MUSK: variants seen among roughly 807,000 people sequenced by gnomAD.
MUSK encodes the protein muscle associated receptor tyrosine kinase.
A neutral mutation model predicts 88.7 loss-of-function variants in MUSK; 55 were observed. That is an observed-to-expected ratio of 0.62 (90% CI 0.50 to 0.78). MUSK has a LOEUF of 0.78. Among genes scored for constraint, MUSK ranks in the 30% least tolerant of loss-of-function variants. MUSK has a pLI of 0.00. For missense variants in MUSK, 1,015 were observed against 1,074.3 expected (o/e 0.94, Z 0.77); for synonymous variants, 387 against 391.9 (o/e 0.99, Z 0.15).
In MUSK at chr9:110,707,590, A is replaced by G. The variant is rs183088895; in HGVS notation, c.628+10124A>G. On this transcript the variant is annotated intron_variant, in intron 5 of 14. Coordinates refer to ENST00000374448, the MANE Select transcript of MUSK (RefSeq NM_005592.4). ...TCTATTATTATCTTGTTTACCCTTG[A>G]AGCTTTAAGCCATTAAGGAAAATAT... 9.6e-4 allele frequency among the ~76,000 whole-genome samples: 146 copies of G among 152,318 alleles called. 1 individual carries two copies. The highest frequency in any genetic ancestry group is 3.4e-3 in the Middle Eastern group (1 of 294).
intron 5 of MUSK, among the ~76,000 whole-genome samples, chr9:110,712,371 T>A (rs1367689621): frequency 6.6e-6 from 1 of 152,200 alleles, no homozygotes; most frequent in African/African-American, 2.4e-5. Flanking sequence ...CTGATCCTAA[T>A]ATATTGTTAT....
At chr9:110,787,560 G>A in intron 13 of MUSK, 130 bp from the exon 14 acceptor site, 1 of 778,620 alleles carries the variant, frequency 1.3e-6, no homozygotes, top group Non-Finnish European at 1.9e-6. Flanking sequence ...CTGTGGCTCT[G>A]GGAAAGGCTG....
intron 6 of MUSK, among the ~76,000 whole-genome samples, chr9:110,745,422 C>T (rs1403037879): frequency 1.3e-5 from 2 of 152,180 alleles, no homozygotes; most frequent in South Asian, 4.1e-4. Context: ...AAGGATTTTG[C>T]AAACTGTTCT....
At chr9:110,767,536 A>T (rs968469322) in intron 8 of MUSK, among the ~76,000 whole-genome samples, 1 of 152,152 alleles carries the variant, frequency 6.6e-6, no homozygotes, top group Non-Finnish European at 1.5e-5. Flanking sequence ...TTATAATGTA[A>T]AATATTAAAA....
rs903123754 is a variant in MUSK at position 110,762,350 on chromosome 9, C to A, written c.920+142C>A. ...TGTTTTGTTTTTGTTATTTGACATGCCATTTATTGAGTGTTTACTATTTGC... is the reference window on the plus strand; with the variant it reads ...TGTTTTGTTTTTGTTATTTGACATGACATTTATTGAGTGTTTACTATTTGC... On this transcript the variant is annotated intron_variant, in intron 8 of 14. Transcript: ENST00000374448. 6.1e-6 allele frequency: 3 copies of A among 492,136 alleles called. No homozygotes were observed. The highest frequency in any genetic ancestry group is 2.0e-5 in the African/African-American group (1 of 51,194). 30.5% of individuals were successfully genotyped at this position (492,136 alleles called of 1,614,324 possible).
intron 3 of MUSK, among the ~76,000 whole-genome samples, chr9:110,687,630 C>A (rs919233292): frequency 1.3e-5 from 2 of 152,058 alleles, no homozygotes; most frequent in African/African-American, 2.4e-5. Flanking sequence ...CCACTGTGCC[C>A]CCGCTGACTT....
At chr9:110,713,121 C>T (rs2076695040) in intron 5 of MUSK, among the ~76,000 whole-genome samples, 1 of 152,040 alleles carries the variant, frequency 6.6e-6, no homozygotes, top group Non-Finnish European at 1.5e-5. Context: ...GACACTGACT[C>T]ATAACCAGGG....
chr9:110,688,833 AGGT>A (rs2076232912), intron 3 of MUSK, among the ~76,000 whole-genome samples: 1 of 151,480 alleles, frequency 6.6e-6, no homozygotes, highest in African/African-American at 2.4e-5. Context: ...CATGGTGTTT[AGGT>A]ACCACATTTT....
chr9:110,765,403 GCA>G (rs2077465302), intron 8 of MUSK, among the ~76,000 whole-genome samples: 1 of 152,134 alleles, frequency 6.6e-6, no homozygotes. Context: ...GTTTCTTAAA[GCA>G]CAGTGTAGAA....
chr9:110,690,470 GTA>G (rs1324130448), intron 3 of MUSK, among the ~76,000 whole-genome samples: 8 of 81,364 alleles, frequency 9.8e-5, no homozygotes, highest in East Asian at 7.2e-4. Flanking sequence ...TTAAATATAA[GTA>G]TATATATAAA....
chr9:110,761,981 G>C (rs1184547276), intron 7 of MUSK: 1 of 953,560 alleles, frequency 1.0e-6, no homozygotes, highest in Admixed American at 6.2e-5. Context: ...AGTTTGAAAA[G>C]AACCTGCTTC....
intron 1 of MUSK, among the ~76,000 whole-genome samples, chr9:110,678,803 C>T (rs1283995322): frequency 6.6e-6 from 1 of 152,008 alleles, no homozygotes; most frequent in African/African-American, 2.4e-5. Context: ...ATGTGCATAT[C>T]TGTTTAATTA....
intron 14 of MUSK, 187 bp downstream of exon 14, chr9:110,788,025 C>T (rs2077905156): frequency 3.2e-6 from 2 of 634,514 alleles, no homozygotes; most frequent in Non-Finnish European, 2.8e-6. Context: ...ATGGATTATC[C>T]CTCTTTAAAT....
intron 1 of MUSK, among the ~76,000 whole-genome samples, chr9:110,671,151 T>G (rs1165435871): frequency 6.6e-6 from 1 of 152,094 alleles, no homozygotes; most frequent in Admixed American, 6.5e-5. Flanking sequence ...TTTATATTTT[T>G]AGTAGAGACA....
Position 110,801,892 on chromosome 9 carries a change from T to C in MUSK, c.*904T>C, listed in dbSNP as rs1223903937. The stretch of plus-strand genomic sequence containing the variant: ...GTAATAAACACTCTGGCAGAAATAA[T>C]AACATTTTAAATACCATTGTAGATT... On this transcript the variant is annotated 3_prime_UTR_variant, in exon 15 of 15. Transcript: ENST00000374448. Among the ~76,000 whole-genome samples the C allele has an allele frequency of 1.3e-5, 2 of 152,214 alleles. No individual in the cohort carries two copies. Among genetic ancestry groups the C allele is most frequent in the East Asian group, 1.9e-4 (1 of 5,198 alleles).
rs1048310820 is a variant in MUSK, at chr9:110,695,511, A to T, written c.467A>T (p.Lys156Met). 5.0e-5 allele frequency: 79 copies of T among 1,565,224 alleles called. No individual in the cohort carries two copies. Among genetic ancestry groups the T allele is most frequent in the Non-Finnish European group, 6.6e-5 (76 of 1,152,592 alleles). ...GNPKPSVSWI[K>M]GDSPLRENSR... ...CCCAAACCATCAGTGTCTTGGATAA[A>T]GGGAGACAGCCCTCTCAGGGTAAGT... Residue 156 changes from lysine to methionine, a missense_variant, in exon 4 of 15, where the codon AAG (lysine) becomes ATG (methionine). Coordinates refer to ENST00000374448, the MANE Select transcript of MUSK (RefSeq NM_005592.4).
At chr9:110,756,366 T>G (rs55853895) in intron 7 of MUSK, among the ~76,000 whole-genome samples, 1 of 151,842 alleles carries the variant, frequency 6.6e-6, no homozygotes, top group African/African-American at 2.4e-5. Flanking sequence ...TGCTTATGAC[T>G]GGGGTTCTTT....
chr9:110,707,731 C>T (rs539879716), intron 5 of MUSK, among the ~76,000 whole-genome samples: 1 of 152,130 alleles, frequency 6.6e-6, no homozygotes, highest in Non-Finnish European at 1.5e-5. Context: ...AGAAGCAGAA[C>T]AAAAAGAAGA....
chr9:110,740,977 C>T (rs2077089756), intron 6 of MUSK, among the ~76,000 whole-genome samples: 1 of 152,026 alleles, frequency 6.6e-6, no homozygotes, highest in Non-Finnish European at 1.5e-5. Context: ...TAGTGGCTGT[C>T]AGGGATGGGA....
Sources: gnomAD v4.1 joint callset for allele counts (sites outside exome capture counted in the v4.1 genomes callset) on GRCh38, gnomAD v4.1.1 for gene constraint, MANE v1.5 for transcripts, NCBI Gene and HGNC (gene_info 2026-07-23, HGNC 2026-07-21) for gene names.